MMP26: variants seen among roughly 807,000 people sequenced by gnomAD.
MMP26 encodes the protein matrix metalloproteinase-26.
A neutral mutation model predicts 31.0 loss-of-function variants in MMP26; 33 were observed. That is an observed-to-expected ratio of 1.06 (90% CI 0.81 to 1.42). The LOEUF is 1.42. MMP26 is among the 40% of genes most tolerant of loss of function. The probability of loss-of-function intolerance (pLI) is 0.00; values close to 1 mark genes in which losing one functional copy is unlikely to be tolerated. For synonymous variants in MMP26, 122 were observed against 114.9 expected (o/e 1.06, Z -0.40); for missense variants, 347 against 316.1 (o/e 1.10, Z -0.74).
intron 1 of MMP26, among the ~76,000 whole-genome samples, chr11:4,758,483 A>G (rs928154152): frequency 6.7e-6 from 1 of 149,820 alleles, no homozygotes; most frequent in African/African-American, 2.5e-5. Context: ...AAAAAAAAAA[A>G]AAAACTAAAA....
At chr11:4,723,309 C>T (rs921954415) in intron 1 of MMP26, 6 of 998,918 alleles carry the variant, frequency 6.0e-6, no homozygotes, top group Middle Eastern at 2.9e-4. Flanking sequence ...GCTTCCCAGC[C>T]AGCATCTGCA....
intron 2 of MMP26, chr11:4,803,885 CCATGAAG>C: frequency 6.2e-7 from 1 of 1,612,794 alleles, no homozygotes; most frequent in Non-Finnish European, 8.5e-7. Context: ...ATCCTAGACA[CCATGAAG>C]CAGAAGGGGC....
intron 2 of MMP26, among the ~76,000 whole-genome samples, chr11:4,807,115 A>G (rs1384509632): frequency 2.6e-5 from 4 of 152,190 alleles, no homozygotes; most frequent in African/African-American, 9.7e-5. Context: ...ATAGACTTAA[A>G]CAATTTTTTT....
intron 2 of MMP26, chr11:4,882,133 G>C (rs1564799650): frequency 9.3e-6 from 15 of 1,613,794 alleles, no homozygotes; most frequent in Non-Finnish European, 1.3e-5. Context: ...TGACCATTAC[G>C]ACCCTTCCCA....
chr11:4,755,694 T>C (rs901173189), intron 1 of MMP26, among the ~76,000 whole-genome samples: 4 of 152,054 alleles, frequency 2.6e-5, no homozygotes, highest in African/African-American at 9.7e-5. Flanking sequence ...ACAGTGTTGG[T>C]TGAATGTTAT....
At chr11:4,925,453 T>C (rs566826345) in intron 2 of MMP26, among the ~76,000 whole-genome samples, 19 of 152,282 alleles carry the variant, frequency 1.2e-4, no homozygotes, top group African/African-American at 4.6e-4. Context: ...ACACATGTTT[T>C]AGAGACCGAG....
intron 1 of MMP26, chr11:4,736,102 A>G (rs1025348113): frequency 3.3e-5 from 5 of 152,202 alleles, no homozygotes; most frequent in African/African-American, 7.2e-5. Context: ...ATTAAACACT[A>G]TGTCTTGGAG....
chr11:4,815,498 C>G (rs1469210335), intron 2 of MMP26, among the ~76,000 whole-genome samples: 1 of 151,610 alleles, frequency 6.6e-6, no homozygotes, highest in East Asian at 1.9e-4. Flanking sequence ...TTGACTTTTT[C>G]TTTTGGCTTA....
chr11:4,725,920 A>G (rs1848092829), intron 1 of MMP26, among the ~76,000 whole-genome samples: 1 of 152,202 alleles, frequency 6.6e-6, no homozygotes, highest in South Asian at 2.1e-4. Flanking sequence ...TGCATGTGAG[A>G]GAGCCAGTAA....
At chr11:4,868,734 A>C (rs1419289004) in intron 2 of MMP26, among the ~76,000 whole-genome samples, 1 of 152,206 alleles carries the variant, frequency 6.6e-6, no homozygotes, top group African/African-American at 2.4e-5. Context: ...GTTCATATGG[A>C]ACCAAAAAAG....
rs117456448 is a variant in MMP26 at position 4,747,289 on chromosome 11, A to T, written c.-216-19981A>T. ...ACAGAAAATATGAAGGGACAGTGAG[A>T]TCCATAGGAATTCTGGGTAATGAGC... On this transcript the variant is annotated intron_variant, in intron 1 of 7. Transcript: ENST00000380390. Among the ~76,000 whole-genome samples the T allele has an allele frequency of 3.0e-4, 45 of 152,308 alleles. 1 individual carries two copies. In the East Asian group the frequency reaches 8.1e-3, roughly 27 times the overall value.
intron 2 of MMP26, among the ~76,000 whole-genome samples, chr11:4,903,063 C>A (rs753584676): frequency 6.6e-6 from 1 of 151,902 alleles, no homozygotes; most frequent in Non-Finnish European, 1.5e-5. Context: ...TTATTTTATA[C>A]ATTTTTACTT....
At chr11:4,986,973 CTCTT>C (rs1046500854) in intron 2 of MMP26, among the ~76,000 whole-genome samples, 4 of 141,496 alleles carry the variant, frequency 2.8e-5, no homozygotes, top group East Asian at 2.1e-4. Context: ...CTCTCTCTCT[CTCTT>C]TCTTTCTTTC....
At chr11:4,913,513 T>C (rs1851024241) in intron 2 of MMP26, 1 of 152,200 alleles carries the variant, frequency 6.6e-6, no homozygotes, top group Admixed American at 6.5e-5. Flanking sequence ...AAACTGCAAA[T>C]ACTATATTGA....
At chr11:4,989,038 A>T (rs1846952550) in intron 3 of MMP26, among the ~76,000 whole-genome samples, 1 of 152,242 alleles carries the variant, frequency 6.6e-6, no homozygotes, top group Non-Finnish European at 1.5e-5. Flanking sequence ...CATTGCCCTT[A>T]AAGTATTTTG....
Position 4,953,712 on chromosome 11 carries a change from T to C in MMP26, c.-144-34356T>C, listed in dbSNP as rs1311478103. ...CTGGAGATTAATGAATATCTGATGA[T>C]GTTGAACAAGTAGAAAGGGTCCAGC... On this transcript the variant is annotated intron_variant, in intron 2 of 7. Transcript: ENST00000380390. 1.6e-5 allele frequency among the ~76,000 whole-genome samples: 2 copies of C among 125,416 alleles called. 1 individual carries two copies. Among genetic ancestry groups the C allele is most frequent in the Non-Finnish European group, 3.6e-5 (2 of 55,374 alleles). 82.3% of individuals were successfully genotyped at this position (125,416 alleles called of 152,430 possible).
At chr11:4,980,878 T>C (rs1846803658) in intron 2 of MMP26, among the ~76,000 whole-genome samples, 1 of 152,064 alleles carries the variant, frequency 6.6e-6, no homozygotes, top group Non-Finnish European at 1.5e-5. Flanking sequence ...TAATATTGTT[T>C]AGAAGCTTAG....
intron 2 of MMP26, among the ~76,000 whole-genome samples, chr11:4,892,941 T>C (rs920416112): frequency 6.6e-6 from 1 of 152,192 alleles, no homozygotes; most frequent in Non-Finnish European, 1.5e-5. Flanking sequence ...CATAGCATTT[T>C]ATGTTTTCTT....
chr11:4,845,647 G>A (rs1041087692), intron 2 of MMP26, among the ~76,000 whole-genome samples: 2 of 152,100 alleles, frequency 1.3e-5, no homozygotes, highest in African/African-American at 4.8e-5. Context: ...AATCCACAAA[G>A]TGAAGAGACA....
Sources: gnomAD v4.1 joint callset for allele counts (sites outside exome capture counted in the v4.1 genomes callset) on GRCh38, gnomAD v4.1.1 for gene constraint, MANE v1.5 for transcripts, NCBI Gene and HGNC (gene_info 2026-07-23, HGNC 2026-07-21) for gene names.